The following PIK3C3 variants were observed in gnomAD, a reference collection of about 807,000 sequenced individuals.
PIK3C3 encodes the protein phosphatidylinositol 3-kinase catalytic subunit type 3.
In PIK3C3, 95 loss-of-function variants were observed where a neutral mutation model predicts 126.1. That is an observed-to-expected ratio of 0.75 (90% CI 0.64 to 0.89). The LOEUF is 0.89. Ranked by LOEUF, PIK3C3 falls within the 40% of genes least tolerant of loss-of-function variation. The probability of loss-of-function intolerance (pLI) is 0.00; values close to 1 mark genes in which losing one functional copy is unlikely to be tolerated. For synonymous variants in PIK3C3, 374 were observed against 360.0 expected (o/e 1.04, Z -0.44); for missense variants, 829 against 1,063.2 (o/e 0.78, Z 3.06).
rs555840516 is a variant in PIK3C3, at chr18:41,963,668, A to G, written c.401+1036A>G. 6.6e-5 allele frequency among the ~76,000 whole-genome samples: 10 copies of G among 152,306 alleles called. No homozygotes were observed. The Middle Eastern group carries it at 0.024, about 363-fold the overall frequency. ...CTTAATTTTTGTCTACTTTAAAGTT[A>G]AAAAATGTTATTTAATTTTTACATC... On this transcript the variant is annotated intron_variant, in intron 3 of 24. Transcript: ENST00000262039.
chr18:42,009,209 G>A (rs1417774076), intron 10 of PIK3C3, among the ~76,000 whole-genome samples: 1 of 152,114 alleles, frequency 6.6e-6, no homozygotes, highest in Non-Finnish European at 1.5e-5. Flanking sequence ...CAATTAAAAA[G>A]TGGGTTTTAG....
At chr18:42,061,531 G>T (rs944242469) in intron 22 of PIK3C3, among the ~76,000 whole-genome samples, 4 of 152,036 alleles carry the variant, frequency 2.6e-5, no homozygotes, top group Non-Finnish European at 4.4e-5. Context: ...GCAGTGACCC[G>T]AGATCGTGCC....
chr18:41,962,798 A>G (rs7242077), intron 3 of PIK3C3, among the ~76,000 whole-genome samples, 166 bp downstream of exon 3: 12,655 of 152,190 alleles, frequency 0.083, 1,718 homozygotes, highest in African/African-American at 0.29. Context: ...TATATTTCCT[A>G]CAGGATATAC....
At chr18:42,008,532 A>G (rs1223648258) in intron 10 of PIK3C3, among the ~76,000 whole-genome samples, 1 of 152,142 alleles carries the variant, frequency 6.6e-6, no homozygotes, top group Non-Finnish European at 1.5e-5. Flanking sequence ...ATGGGAAGTC[A>G]CTAAGTGATT....
chr18:42,058,791 T>G (rs1245598426), intron 22 of PIK3C3, among the ~76,000 whole-genome samples: 1 of 152,208 alleles, frequency 6.6e-6, no homozygotes, highest in Non-Finnish European at 1.5e-5. Context: ...ATGGCTCTGA[T>G]GATTATTAGT....
chr18:41,973,670 GTTCAGTTAGA>G (rs1315338643), intron 4 of PIK3C3, among the ~76,000 whole-genome samples: 2 of 151,910 alleles, frequency 1.3e-5, no homozygotes, highest in Non-Finnish European at 2.9e-5. Context: ...TTAAAAAGTT[GTTCAGTTAGA>G]TTGTCACTCT....
chr18:41,977,649 G>A (rs574630577), intron 4 of PIK3C3, among the ~76,000 whole-genome samples: 3 of 152,074 alleles, frequency 2.0e-5, no homozygotes, highest in South Asian at 2.1e-4. Flanking sequence ...CGCCATGCCC[G>A]GCTAATTTTT....
At chr18:41,999,172 T>A (rs911419382) in intron 9 of PIK3C3, among the ~76,000 whole-genome samples, 1 of 152,190 alleles carries the variant, frequency 6.6e-6, no homozygotes, top group Non-Finnish European at 1.5e-5. Context: ...CAATTAAATT[T>A]GTTACCATTT....
At chr18:41,957,891 A>C in intron 2 of PIK3C3, 133 bp downstream of exon 2, 1 of 600,712 alleles carries the variant, frequency 1.7e-6, no homozygotes. Flanking sequence ...CATTTGAAGT[A>C]GAAACATACT....
chr18:42,048,035 A>G (rs1165652226), intron 20 of PIK3C3, among the ~76,000 whole-genome samples: 1 of 152,164 alleles, frequency 6.6e-6, no homozygotes. Context: ...CTTTACAAAA[A>G]CTGAGGGGAA....
rs1295267459 is a variant in PIK3C3, at chr18:42,072,752, T to G, written c.2649+5239T>G. On this transcript the variant is annotated intron_variant, in intron 24 of 24. Coordinates refer to ENST00000262039, the MANE Select transcript of PIK3C3 (RefSeq NM_002647.4). ...GGTCCGACTATGTTGCCCAAGCGGTTCTCAAACTCCTGGCCTCAAGCAATC... is the reference window on the plus strand; with the variant it reads ...GGTCCGACTATGTTGCCCAAGCGGTGCTCAAACTCCTGGCCTCAAGCAATC... Among the ~76,000 whole-genome samples the G allele has an allele frequency of 2.6e-5, 4 of 152,142 alleles. No homozygotes were observed. In the East Asian group the frequency reaches 7.7e-4, roughly 29 times the overall value.
intron 21 of PIK3C3, among the ~76,000 whole-genome samples, chr18:42,054,450 GGTCTGCCTTTCCCAACC>G: frequency 6.6e-6 from 1 of 151,562 alleles, no homozygotes; most frequent in Non-Finnish European, 1.5e-5. Context: ...CTAGATTAAA[GGTCTGCCTTTCCCAACC>G]CACTGACTCA....
At chr18:42,005,354 A>G (rs1312995500) in intron 10 of PIK3C3, among the ~76,000 whole-genome samples, 1 of 152,212 alleles carries the variant, frequency 6.6e-6, no homozygotes, top group Non-Finnish European at 1.5e-5. Flanking sequence ...GTAAAAACAG[A>G]GTATTATAAT....
chr18:42,074,736 C>T (rs1985911327), intron 24 of PIK3C3, among the ~76,000 whole-genome samples: 1 of 151,560 alleles, frequency 6.6e-6, no homozygotes, highest in Non-Finnish European at 1.5e-5. Context: ...TTTTGGTGAC[C>T]CACTTTTGCC....
At chr18:42,010,972 C>T (rs1021390853) in intron 10 of PIK3C3, among the ~76,000 whole-genome samples, 3 of 152,174 alleles carry the variant, frequency 2.0e-5, no homozygotes, top group East Asian at 1.9e-4. Context: ...GCATCTCCAT[C>T]GGAGCTCTTG....
chr18:41,999,324 C>G (rs1002644570), intron 9 of PIK3C3, among the ~76,000 whole-genome samples: 3 of 152,126 alleles, frequency 2.0e-5, no homozygotes, highest in Non-Finnish European at 4.4e-5. Context: ...CCTGCTTTTA[C>G]AATGGACTTT....
intron 22 of PIK3C3, among the ~76,000 whole-genome samples, chr18:42,063,574 A>G (rs1363891779): frequency 1.3e-5 from 2 of 152,220 alleles, no homozygotes; most frequent in African/African-American, 4.8e-5. Flanking sequence ...GAAGTTTTTC[A>G]TTATAATTCC....
At chr18:42,017,200 C>T (rs1983115460) in intron 12 of PIK3C3, among the ~76,000 whole-genome samples, 1 of 152,080 alleles carries the variant, frequency 6.6e-6, no homozygotes, top group African/African-American at 2.4e-5. Context: ...AATACACAAT[C>T]AAGCTGAATT....
In PIK3C3 at chr18:42,016,880, A is replaced by C. The variant is rs373375804; in HGVS notation, c.1416+1314A>C. On this transcript the variant is annotated intron_variant, in intron 12 of 24. Transcript: ENST00000262039. ...TTGAACAAAGGGTGATTTACATTCTAGATGCTGTGAAGTGATTGGATTCTG... is the reference window on the plus strand; with the variant it reads ...TTGAACAAAGGGTGATTTACATTCTCGATGCTGTGAAGTGATTGGATTCTG... Among the ~76,000 whole-genome samples, 3 of 152,220 alleles carry C rather than the reference A, an allele frequency of 2.0e-5. No homozygotes were observed. In the South Asian group the frequency reaches 6.2e-4, roughly 32 times the overall value.
Sources: gnomAD v4.1 joint callset for allele counts (sites outside exome capture counted in the v4.1 genomes callset) on GRCh38, gnomAD v4.1.1 for gene constraint, MANE v1.5 for transcripts, NCBI Gene and HGNC (gene_info 2026-07-23, HGNC 2026-07-21) for gene names.